MAGED2: variants seen among roughly 807,000 people sequenced by gnomAD.
MAGED2 encodes melanoma-associated antigen D2.
A neutral mutation model predicts 41.7 loss-of-function variants in MAGED2; 6 were observed. The observed-to-expected ratio is 0.14, with a 90% CI of 0.08 to 0.28. The LOEUF is 0.28. Among genes scored for constraint, MAGED2 ranks in the 10% least tolerant of loss-of-function variants. The probability of loss-of-function intolerance (pLI) is 1.00; values close to 1 mark genes in which losing one functional copy is unlikely to be tolerated. For missense variants in MAGED2, 343 were observed against 486.4 expected (o/e 0.71, Z 2.77); for synonymous variants, 146 against 178.2 (o/e 0.82, Z 1.44).
intron 3 of MAGED2, 95 bp from the exon 4 acceptor site, chrX:54,810,726 G>A: frequency 4.3e-6 from 3 of 698,768 alleles, no homozygotes; most frequent in Non-Finnish European, 6.3e-6. Context: ...TTACTACAGG[G>A]GTGGGATTAG....
At chrX:54,808,678 G>C (rs1259230828) in intron 1 of MAGED2, among the ~76,000 whole-genome samples, 1 of 111,031 alleles carries the variant, frequency 9.0e-6, no homozygotes, top group African/African-American at 3.3e-5. Context: ...GGCGTGTTAG[G>C]AAGAAGGGCG....
rs1246522412 is a variant in MAGED2, at chrX:54,811,103, C to T, written c.820C>T (p.Arg274Trp). 1 of 1,195,738 alleles carries T rather than the reference C, an allele frequency of 8.4e-7. No homozygotes were observed. Among genetic ancestry groups the T allele is most frequent in the Admixed American group, 2.3e-5 (1 of 44,241 alleles). Reference protein sequence around the residue: ...SSQEPEAPPPRDVALLQGRAN... With the variant: ...SSQEPEAPPPWDVALLQGRAN... Reference sequence around the variant, plus strand: ...CCAAGAGCCTGAAGCACCACCACCTCGGGATGTGGCCCTTTTGCAAGGGAG... The same window carrying T: ...CCAAGAGCCTGAAGCACCACCACCTTGGGATGTGGCCCTTTTGCAAGGGAG... The change falls in exon 4 of 13, where the codon CGG (arginine) becomes TGG (tryptophan). Residue 274 changes from arginine to tryptophan, a missense_variant. By Grantham distance (101) the Arg-to-Trp change is moderately radical. Transcript: ENST00000375068.
At chrX:54,809,519 G>A (rs1292319958) in intron 2 of MAGED2, 143 bp downstream of exon 2, 2 of 875,253 alleles carry the variant, frequency 2.3e-6, no homozygotes, top group Admixed American at 5.2e-5. Flanking sequence ...CCAGTGGAGG[G>A]AGGGAGAGAA....
At position 54,809,712 on chromosome X, in the gene MAGED2, C is replaced by T. The variant is rs1569544519; in HGVS notation, c.46-10C>T. 8.4e-7 allele frequency: 1 copy of T among 1,190,812 alleles called. No individual in the cohort carries two copies. The highest frequency in any genetic ancestry group is 1.1e-6 in the Non-Finnish European group (1 of 885,469). On this transcript the variant is annotated splice_polypyrimidine_tract_variant and intron_variant, in intron 2 of 12. Transcript: ENST00000375068. ...AGAAGGTCTATGAACTTCCCTGCTT[C>T]CTCTTGCAGGCTGAAGCTTCAGAAA...
intron 11 of MAGED2, 47 bp from the exon 12 acceptor site, chrX:54,815,201 A>G: frequency 8.8e-7 from 1 of 1,135,444 alleles, no homozygotes; most frequent in East Asian, 3.0e-5. Context: ...TATTATTACT[A>G]TGGCTTAATC....
intron 3 of MAGED2, 74 bp from the exon 4 acceptor site, chrX:54,810,747 C>G (rs1929774223): frequency 1.0e-6 from 1 of 952,821 alleles, no homozygotes; most frequent in Non-Finnish European, 1.4e-6. Context: ...CGGGTGCTTC[C>G]TGGAAGAGAT....
chrX:54,810,141 T>G lies in MAGED2; in HGVS notation c.465T>G (p.Pro155=). 2.5e-6 allele frequency: 3 copies of G among 1,194,713 alleles called. No homozygotes were observed. The highest frequency in any genetic ancestry group is 3.4e-6 in the Non-Finnish European group (3 of 886,117). ...AGGCCCCAGCAGATGAACCTGAGCC[T>G]GAGAGTGCAGCTGCCCAGTCTCAGG... is the stretch of plus-strand genomic sequence containing the variant. ...PSQAPADEPE[P]ESAAAQSQEN... The change falls in exon 3 of 13, where the codon CCT becomes CCG. Residue 155 remains proline, a synonymous_variant. Transcript: ENST00000375068.
chrX:54,811,938 C>G (rs1318048087), intron 6 of MAGED2, among the ~76,000 whole-genome samples: 1 of 112,099 alleles, frequency 8.9e-6, no homozygotes, highest in East Asian at 2.8e-4. Flanking sequence ...CTTTCATTCC[C>G]CATTCTCTGT....
At chrX:54,809,422 C>T in intron 2 of MAGED2, 46 bp downstream of exon 2, 1 of 1,120,980 alleles carries the variant, frequency 8.9e-7, no homozygotes, top group East Asian at 3.0e-5. Context: ...TCCTCTCCAG[C>T]CCTTGTTGCT....
chrX:54,813,084 T>A (rs368966640), intron 8 of MAGED2, 34 bp from the exon 9 acceptor site: 53 of 1,210,544 alleles, frequency 4.4e-5, no homozygotes, highest in Non-Finnish European at 5.8e-5. Context: ...TGTGTTCAAT[T>A]TCTGTCCCTG....
rs372889574 is a variant in MAGED2, at chrX:54,809,322, A to C, written c.-10A>C. ...CTTCAGGCTCAGCTCTTGCCAGGCC[A>C]AATTGAGACATGTCTGACACAAGCG... is the stretch of plus-strand genomic sequence containing the variant. On this transcript the variant is annotated 5_prime_UTR_variant, in exon 2 of 13. Coordinates refer to ENST00000375068, the MANE Select transcript of MAGED2 (RefSeq NM_177433.3). 1 of 1,211,229 alleles carries C rather than the reference A, an allele frequency of 8.3e-7. No individual in the cohort carries two copies. The highest frequency in any genetic ancestry group is 1.8e-5 in the South Asian group (1 of 56,926).
chrX:54,810,545 G>A (rs751440552), intron 3 of MAGED2, among the ~76,000 whole-genome samples: 2 of 111,788 alleles, frequency 1.8e-5, no homozygotes, highest in Non-Finnish European at 3.8e-5. Context: ...GAAGCGGCTT[G>A]TCTAGGATGG....
chrX:54,810,792 G>A (rs1929775025), intron 3 of MAGED2, 29 bp from the exon 4 acceptor site: 2 of 1,130,200 alleles, frequency 1.8e-6, no homozygotes, highest in Non-Finnish European at 2.4e-6. Flanking sequence ...TTCATCTGGT[G>A]ACGTTGAGCT....
In MAGED2 at chrX:54,809,308, G is replaced by A; in HGVS notation, c.-24G>A. The A allele has an allele frequency of 3.3e-6, 4 of 1,210,335 alleles. No individual in the cohort carries two copies. Among genetic ancestry groups the A allele is most frequent in the Non-Finnish European group, 4.5e-6 (4 of 894,360 alleles). On this transcript the variant is annotated 5_prime_UTR_variant, in exon 2 of 13. Coordinates refer to ENST00000375068, the MANE Select transcript of MAGED2 (RefSeq NM_177433.3). Reference sequence around the variant, plus strand: ...CCAGGCCTTCTCCCCTTCAGGCTCAGCTCTTGCCAGGCCAAATTGAGACAT... The same window carrying A: ...CCAGGCCTTCTCCCCTTCAGGCTCAACTCTTGCCAGGCCAAATTGAGACAT...
At position 54,809,747 on chromosome X, in the gene MAGED2, G is replaced by A. The variant is rs1265121302; in HGVS notation, c.71G>A (p.Ser24Asn). 1.7e-6 allele frequency: 2 copies of A among 1,204,416 alleles called. No individual in the cohort carries two copies. The highest frequency in any genetic ancestry group is 1.7e-5 in the African/African-American group (1 of 57,374). Residue 24 changes from serine (S) to asparagine (N), a missense_variant, in exon 3 of 13, where the codon AGC (serine) becomes AAC (asparagine). This residue lies in a region of MAGED2 where 195 missense variants were observed against 221.2 expected (regional missense o/e 0.88). Coordinates refer to ENST00000375068, the MANE Select transcript of MAGED2 (RefSeq NM_177433.3). ...GCTGAAGCTTCAGAAAAGGACAGTAGCTCGATGATGCAGACTCTGTTGACA... is the reference window on the plus strand; with the variant it reads ...GCTGAAGCTTCAGAAAAGGACAGTAACTCGATGATGCAGACTCTGTTGACA... ...FQAEASEKDS[S>N]SMMQTLLTVT... is the part of the protein sequence containing the mutation.
intron 1 of MAGED2, chrX:54,809,019 G>A: frequency 2.8e-6 from 1 of 355,324 alleles, no homozygotes; most frequent in South Asian, 4.1e-5. Context: ...CAGCCGACGC[G>A]CATGCGCTCT....
At chrX:54,810,794 C>T (rs376272536) in intron 3 of MAGED2, 27 bp from the exon 4 acceptor site, 25 of 1,130,294 alleles carry the variant, frequency 2.2e-5, no homozygotes, top group African/African-American at 9.2e-5. Flanking sequence ...CATCTGGTGA[C>T]GTTGAGCTTC....
Position 54,809,869 on chromosome X carries a change from A to T in MAGED2, c.193A>T (p.Lys65Ter). 1 of 1,193,918 alleles carries T rather than the reference A, an allele frequency of 8.4e-7. No individual in the cohort carries two copies. The highest frequency in any genetic ancestry group is 2.3e-5 in the Admixed American group (1 of 43,401). Residue 65 changes from lysine (K) to a stop codon, truncating the protein, a stop_gained, in exon 3 of 13, where the codon AAG becomes TAG. Transcript: ENST00000375068. LOFTEE classifies it high-confidence loss of function. ...GGTCTCAAAAGCCTCTGGGGTCTCA[A>T]AGGCCACAGAGGTCTCAAAGACCCC... ...VKVSKASGVS[K>*]ATEVSKTPEA...
intron 6 of MAGED2, among the ~76,000 whole-genome samples, 200 bp downstream of exon 6, chrX:54,811,853 C>T (rs1382139707): frequency 8.9e-6 from 1 of 111,772 alleles, no homozygotes; most frequent in African/African-American, 3.3e-5. Context: ...AGCTAGGACC[C>T]AAGACACCCA....
Sources: gnomAD v4.1 joint callset for allele counts (sites outside exome capture counted in the v4.1 genomes callset) on GRCh38, gnomAD v4.1.1 for gene constraint, gnomAD v4.1.1 regional missense constraint, MANE v1.5 for transcripts, NCBI Gene and HGNC (gene_info 2026-07-23, HGNC 2026-07-21) for gene names.